The following CDC14A variants were observed in gnomAD, a reference collection of about 807,000 sequenced individuals.
CDC14A encodes cell division cycle 14A, also known as dual specificity protein phosphatase CDC14A.
A neutral mutation model predicts 74.4 loss-of-function variants in CDC14A; 53 were observed. That is an observed-to-expected ratio of 0.71 (90% CI 0.57 to 0.89). The LOEUF is 0.89. Among genes scored for constraint, CDC14A ranks in the 40% least tolerant of loss-of-function variants. CDC14A has a pLI of 0.00. For synonymous variants in CDC14A, 247 were observed against 258.4 expected (o/e 0.96, Z 0.43); for missense variants, 646 against 713.7 (o/e 0.91, Z 1.08).
At chr1:100,421,185 A>T (rs1397726360) in intron 4 of CDC14A, among the ~76,000 whole-genome samples, 1 of 152,170 alleles carries the variant, frequency 6.6e-6, no homozygotes, top group Non-Finnish European at 1.5e-5. Context: ...GGGTTTATAT[A>T]TGTTAATACC....
intron 7 of CDC14A, among the ~76,000 whole-genome samples, chr1:100,448,412 C>T (rs907214274): frequency 2.6e-5 from 4 of 152,218 alleles, no homozygotes; most frequent in Non-Finnish European, 5.9e-5. Context: ...CACTTCTTTA[C>T]CATTGTCTTG....
At chr1:100,425,543 A>T (rs1662855187) in intron 5 of CDC14A, among the ~76,000 whole-genome samples, 1 of 152,168 alleles carries the variant, frequency 6.6e-6, no homozygotes, top group Non-Finnish European at 1.5e-5. Context: ...CACAGGAGGT[A>T]GCTGTTAGGG....
intron 15 of CDC14A, among the ~76,000 whole-genome samples, chr1:100,501,352 A>G (rs2101452725): frequency 6.6e-6 from 1 of 152,312 alleles, no homozygotes; most frequent in East Asian, 1.9e-4. Context: ...TCATACAGTC[A>G]TGTGCTGCCT....
At chr1:100,449,624 G>A (rs1665925148) in intron 7 of CDC14A, among the ~76,000 whole-genome samples, 1 of 152,166 alleles carries the variant, frequency 6.6e-6, no homozygotes, top group African/African-American at 2.4e-5. Flanking sequence ...CCCCATGGAA[G>A]CTCTTCTCAT....
intron 6 of CDC14A, among the ~76,000 whole-genome samples, chr1:100,442,147 TA>T (rs1664996310): frequency 6.9e-6 from 1 of 145,060 alleles, no homozygotes; most frequent in Admixed American, 6.9e-5. Flanking sequence ...TACTTTGTGA[TA>T]AAAATATGTT....
At chr1:100,472,664 A>ATT (rs146350936) in intron 10 of CDC14A, among the ~76,000 whole-genome samples, 3 of 150,720 alleles carry the variant, frequency 2.0e-5, no homozygotes, top group African/African-American at 4.9e-5. Context: ...GATTTCTCAT[A>ATT]TTTTTTTTTC....
intron 5 of CDC14A, among the ~76,000 whole-genome samples, chr1:100,439,354 G>T (rs567553943): frequency 2.6e-5 from 4 of 152,146 alleles, no homozygotes; most frequent in South Asian, 2.1e-4. Flanking sequence ...TACATACATT[G>T]TCTCTCCTAT....
At position 100,424,280 on chromosome 1, in the gene CDC14A, A is replaced by AC. The variant is rs773911500; in HGVS notation, c.375dup (p.Tyr126LeufsTer35). ...TACAGAGCACTCCTGTCTGGCTCAAACCCCCCCTATCTTCCATTCAGGTAT... is the reference window on the plus strand; with the variant it reads ...TACAGAGCACTCCTGTCTGGCTCAAACCCCCCCCTATCTTCCATTCAGGTAT... On this transcript the variant is annotated frameshift_variant, in exon 5 of 16. Transcript: ENST00000336454. LOFTEE classifies it high-confidence loss of function. The AC allele has an allele frequency of 6.2e-6, 10 of 1,612,698 alleles. No individual in the cohort carries two copies. Among genetic ancestry groups the AC allele is most frequent in the East Asian group, 2.2e-5 (1 of 44,872 alleles).
At chr1:100,441,791 C>T (rs563646164) in intron 6 of CDC14A, among the ~76,000 whole-genome samples, 2 of 151,892 alleles carry the variant, frequency 1.3e-5, no homozygotes, top group Admixed American at 1.3e-4. Context: ...GATCCTGGGC[C>T]CCAACCACAG....
At chr1:100,448,979 C>T (rs1463686810) in intron 7 of CDC14A, among the ~76,000 whole-genome samples, 1 of 152,170 alleles carries the variant, frequency 6.6e-6, no homozygotes, top group East Asian at 1.9e-4. Flanking sequence ...TTGCTTCAAG[C>T]CCCTACTTTT....
intron 2 of CDC14A, among the ~76,000 whole-genome samples, chr1:100,357,475 T>TGTA (rs1014646335): frequency 2.0e-5 from 3 of 152,242 alleles, no homozygotes; most frequent in Admixed American, 1.3e-4. Flanking sequence ...GGGCTCTGTC[T>TGTA]GGAGGACGTC....
At chr1:100,499,431 G>T (rs1648443680) in intron 15 of CDC14A, 169 bp downstream of exon 15, 1 of 1,504,980 alleles carries the variant, frequency 6.6e-7, no homozygotes, top group Non-Finnish European at 8.9e-7. Context: ...CATTCTGCTA[G>T]CTCCTCTTCA....
chr1:100,469,856 C>T (rs1668219122), intron 10 of CDC14A, among the ~76,000 whole-genome samples: 1 of 152,130 alleles, frequency 6.6e-6, no homozygotes, highest in East Asian at 1.9e-4. Flanking sequence ...TACTCTTTCT[C>T]TCTGCCATAT....
At chr1:100,393,175 A>G (rs770066308) in intron 4 of CDC14A, 24 of 1,588,186 alleles carry the variant, frequency 1.5e-5, no homozygotes, top group East Asian at 1.3e-4. Flanking sequence ...ATTTCTCTCA[A>G]TTTAGATCCA....
chr1:100,409,369 T>C (rs1435425259), intron 4 of CDC14A, among the ~76,000 whole-genome samples: 1 of 152,182 alleles, frequency 6.6e-6, no homozygotes, highest in Non-Finnish European at 1.5e-5. Context: ...CCAAATTTCA[T>C]GTCCTCCCAT....
intron 7 of CDC14A, among the ~76,000 whole-genome samples, chr1:100,450,833 AG>A (rs1666070835): frequency 6.6e-6 from 1 of 152,184 alleles, no homozygotes; most frequent in South Asian, 2.1e-4. Flanking sequence ...ACTTCTTAAG[AG>A]AGCAGTCTCG....
At chr1:100,397,262 T>C (rs1475698428) in intron 4 of CDC14A, among the ~76,000 whole-genome samples, 2 of 152,190 alleles carry the variant, frequency 1.3e-5, no homozygotes, top group African/African-American at 4.8e-5. Flanking sequence ...GGGATGCCTC[T>C]ACTAGTAGAG....
At position 100,414,250 on chromosome 1, in the gene CDC14A, G is replaced by T. The variant is rs6702071; in HGVS notation, c.310-9972G>T. On this transcript the variant is annotated intron_variant, in intron 4 of 15. Transcript: ENST00000336454. The stretch of plus-strand genomic sequence containing the variant: ...GAAGGCCAAGGCGGTAGGATTGCCT[G>T]AGCCCAGGAGTTCGAGACCAGCGTG... Among the ~76,000 whole-genome samples the T allele has an allele frequency of 3.0e-3, 462 of 152,234 alleles. 4 individuals are homozygous for T. The highest frequency in any genetic ancestry group is 0.01 in the African/African-American group (419 of 41,518).
chr1:100,361,851 C>T (rs931417746), intron 2 of CDC14A, among the ~76,000 whole-genome samples: 1 of 151,982 alleles, frequency 6.6e-6, no homozygotes, highest in African/African-American at 2.4e-5. Context: ...TGCCATCGCT[C>T]GAAGGTGGGG....
Sources: allele counts gnomAD v4.1 joint callset (sites outside exome capture counted in the v4.1 genomes callset), GRCh38; gene constraint gnomAD v4.1.1; transcripts MANE v1.5; gene names NCBI Gene and HGNC (gene_info 2026-07-23, HGNC 2026-07-21).